Variants in MRPS28 observed in about 807,000 individuals in gnomAD.
MRPS28 encodes the protein mitochondrial ribosomal protein S28, also known as small ribosomal subunit protein bS1m.
A neutral mutation model predicts 10.8 loss-of-function variants in MRPS28; 7 were observed. The ratio of observed to expected loss-of-function variants is 0.65; its 90% CI spans 0.37 to 1.22. MRPS28 has a LOEUF of 1.22. MRPS28 is among the 50% of genes most tolerant of loss of function. The pLI is 0.02. For synonymous variants in MRPS28, 121 were observed against 93.3 expected (o/e 1.30, Z -1.71); for missense variants, 265 against 232.9 (o/e 1.14, Z -0.90).
chr8:80,024,302 A>G (rs1381416284), intron 1 of MRPS28, among the ~76,000 whole-genome samples: 2 of 152,226 alleles, frequency 1.3e-5, no homozygotes, highest in Non-Finnish European at 2.9e-5. Flanking sequence ...GCATAAACCA[A>G]TATTAAAGCT....
At chr8:79,991,016 G>A (rs1404726865) in intron 2 of MRPS28, among the ~76,000 whole-genome samples, 1 of 150,466 alleles carries the variant, frequency 6.6e-6, no homozygotes, top group Non-Finnish European at 1.5e-5. Context: ...AGTAACTGTG[G>A]CAAATTCAGG....
At position 79,979,490 on chromosome 8, in the gene MRPS28, A is replaced by T. The variant is rs186728595; in HGVS notation, c.395+23509T>A. On this transcript the variant is annotated intron_variant, in intron 2 of 2. Coordinates refer to ENST00000276585, the MANE Select transcript of MRPS28 (RefSeq NM_014018.3). ...GTTTTCCTGGTAAAAGGGACAAAAA[A>T]ATAAAAAATAAATTTTAAAAGAAAT... is the stretch of plus-strand genomic sequence containing the variant. 9.2e-5 allele frequency among the ~76,000 whole-genome samples: 14 copies of T among 152,286 alleles called. No individual in the cohort carries two copies. In the East Asian group the frequency reaches 2.7e-3, roughly 29 times the overall value.
At chr8:79,998,176 T>C (rs768284955) in intron 2 of MRPS28, among the ~76,000 whole-genome samples, 2 of 152,162 alleles carry the variant, frequency 1.3e-5, no homozygotes, top group African/African-American at 4.8e-5. Context: ...TAATTTCTAA[T>C]GTTCCATGTG....
At chr8:80,016,035 T>G (rs1809185766) in intron 1 of MRPS28, among the ~76,000 whole-genome samples, 1 of 151,688 alleles carries the variant, frequency 6.6e-6, no homozygotes, top group Non-Finnish European at 1.5e-5. Flanking sequence ...GAACAGAATA[T>G]TCAAGAACTT....
intron 1 of MRPS28, among the ~76,000 whole-genome samples, chr8:80,019,009 T>C (rs1586100776): frequency 1.3e-5 from 2 of 151,142 alleles, no homozygotes; most frequent in Admixed American, 1.3e-4. Flanking sequence ...GTATTGGGGG[T>C]TTGTACCTAT....
At chr8:79,926,903 C>T (rs931859302) in intron 2 of MRPS28, among the ~76,000 whole-genome samples, 4 of 152,176 alleles carry the variant, frequency 2.6e-5, no homozygotes, top group African/African-American at 4.8e-5. Flanking sequence ...TAGAGATTCA[C>T]GCACATTTGG....
intron 2 of MRPS28, among the ~76,000 whole-genome samples, chr8:79,967,372 C>T (rs754968335): frequency 3.5e-4 from 54 of 152,258 alleles, no homozygotes; most frequent in Middle Eastern, 3.4e-3. Context: ...AAGCCCCAGA[C>T]ATGTTAAGAG....
chr8:80,021,042 C>T (rs1332531419), intron 1 of MRPS28, among the ~76,000 whole-genome samples: 11 of 149,830 alleles, frequency 7.3e-5, no homozygotes, highest in East Asian at 5.8e-4. Flanking sequence ...CTCTTTCTGG[C>T]GCTAGGCTGG....
chr8:79,919,851 GGTTT>G (rs752219091), intron 2 of MRPS28, among the ~76,000 whole-genome samples: 9 of 152,124 alleles, frequency 5.9e-5, no homozygotes, highest in Non-Finnish European at 2.9e-5. Flanking sequence ...ACAACGTGCA[GGTTT>G]GTTACATATG....
At chr8:79,947,427 C>T (rs1586051822) in intron 2 of MRPS28, among the ~76,000 whole-genome samples, 1 of 151,734 alleles carries the variant, frequency 6.6e-6, no homozygotes, top group Non-Finnish European at 1.5e-5. Flanking sequence ...ATCAACTTAC[C>T]AATTTCTTTT....
At chr8:79,982,779 A>C (rs899022496) in intron 2 of MRPS28, among the ~76,000 whole-genome samples, 3 of 152,226 alleles carry the variant, frequency 2.0e-5, no homozygotes, top group East Asian at 3.8e-4. Context: ...AACTGGGTGG[A>C]GCCCAACACA....
intron 2 of MRPS28, among the ~76,000 whole-genome samples, chr8:79,948,763 C>A (rs1433355538): frequency 2.0e-5 from 3 of 152,004 alleles, no homozygotes; most frequent in Non-Finnish European, 2.9e-5. Flanking sequence ...ATGAATTACA[C>A]TGATTTTTTT....
chr8:79,918,784 A>G lies in MRPS28; in HGVS notation c.*196T>C, dbSNP rs903090200. On this transcript the variant is annotated 3_prime_UTR_variant, in exon 3 of 3. Transcript: ENST00000276585. The stretch of plus-strand genomic sequence containing the variant: ...GTACAGTGTATACTATCCCCACCAA[A>G]GGAAAAAAACATTAAGAGCAAAACA... 3.6e-6 allele frequency: 1 copy of G among 276,634 alleles called. No individual in the cohort carries two copies. The highest frequency in any genetic ancestry group is 7.7e-5 in the South Asian group (1 of 13,042). 17.1% of individuals were successfully genotyped at this position (276,634 alleles called of 1,614,324 possible).
At chr8:79,929,369 A>G (rs1227745865) in intron 2 of MRPS28, among the ~76,000 whole-genome samples, 1 of 152,210 alleles carries the variant, frequency 6.6e-6, no homozygotes, top group Admixed American at 6.5e-5. Context: ...TTTTCTGACC[A>G]TATCTAGACT....
intron 2 of MRPS28, among the ~76,000 whole-genome samples, chr8:79,984,790 C>A (rs1808102027): frequency 6.6e-6 from 1 of 152,136 alleles, no homozygotes; most frequent in African/African-American, 2.4e-5. Context: ...CCTGAGTGAC[C>A]TACAAAGAGA....
chr8:79,924,003 T>C (rs1810167354), intron 2 of MRPS28, among the ~76,000 whole-genome samples: 1 of 152,188 alleles, frequency 6.6e-6, no homozygotes, highest in African/African-American at 2.4e-5. Flanking sequence ...AGACTTAAAA[T>C]AGAGAGAATC....
At chr8:79,956,652 A>C (rs1044567966) in intron 2 of MRPS28, 1 of 151,892 alleles carries the variant, frequency 6.6e-6, no homozygotes, top group African/African-American at 2.4e-5. Context: ...CCTCAAGTAG[A>C]CCCCAGTGTC....
At chr8:80,001,003 C>T (rs181983934) in intron 2 of MRPS28, among the ~76,000 whole-genome samples, 62 of 152,284 alleles carry the variant, frequency 4.1e-4, no homozygotes, top group African/African-American at 1.2e-3. Flanking sequence ...ATATGATTAA[C>T]GGAATTCCAT....
Position 80,029,845 on chromosome 8 carries a change from C to T in MRPS28, c.213+191G>A, listed in dbSNP as rs771907843. ...ACGCAAATGCCACACAAAAGGACAACGAAAGGAAGAAAAACACCAAGCACA... is the reference window on the plus strand; with the variant it reads ...ACGCAAATGCCACACAAAAGGACAATGAAAGGAAGAAAAACACCAAGCACA... On this transcript the variant is annotated intron_variant, in intron 1 of 2. Transcript: ENST00000276585. 8.2e-5 allele frequency: 126 copies of T among 1,534,710 alleles called. 1 individual carries two copies. The highest frequency in any genetic ancestry group is 2.0e-4 in the Admixed American group (10 of 50,974).
Sources: allele counts gnomAD v4.1 joint callset (sites outside exome capture counted in the v4.1 genomes callset), GRCh38; gene constraint gnomAD v4.1.1; transcripts MANE v1.5; gene names NCBI Gene and HGNC (gene_info 2026-07-23, HGNC 2026-07-21).